BAZ2B: variants seen among roughly 807,000 people sequenced by gnomAD.
BAZ2B encodes the protein bromodomain adjacent to zinc finger domain protein 2B.
A neutral mutation model predicts 246.0 loss-of-function variants in BAZ2B; 91 were observed. The ratio of observed to expected loss-of-function variants is 0.37; its 90% CI spans 0.31 to 0.44. The LOEUF (loss-of-function observed/expected upper bound fraction) is 0.44, where lower values mean the gene tolerates loss of function less well. BAZ2B is among the 20% of genes least tolerant of loss of function. BAZ2B has a pLI of 1.00. For missense variants in BAZ2B, 2,332 were observed against 2,533.7 expected (o/e 0.92, Z 1.71); for synonymous variants, 855 against 860.0 (o/e 0.99, Z 0.10).
At chr2:159,559,879 T>G (rs1268038772) in intron 1 of BAZ2B, among the ~76,000 whole-genome samples, 1 of 152,196 alleles carries the variant, frequency 6.6e-6, no homozygotes, top group Admixed American at 6.5e-5. Context: ...AATGTATTGG[T>G]TATATGCTAT....
At chr2:159,551,208 G>A (rs910432271) in intron 2 of BAZ2B, among the ~76,000 whole-genome samples, 3 of 152,114 alleles carry the variant, frequency 2.0e-5, no homozygotes, top group South Asian at 2.1e-4. Context: ...GGTGGCTCAC[G>A]CCTATAATCC....
chr2:159,662,512 TTTTG>T, the BAZ2B span, among the ~76,000 whole-genome samples: 18 of 152,206 alleles, frequency 1.2e-4, no homozygotes, highest in South Asian at 2.3e-3. Flanking sequence ...TGTTTTTTAC[TTTTG>T]TTTGTTTGTT....
intron 3 of BAZ2B, chr2:159,459,728 G>T (rs1342781646): frequency 6.6e-6 from 1 of 152,004 alleles, no homozygotes; most frequent in South Asian, 2.1e-4. Flanking sequence ...AAGTCAAATA[G>T]GCTCTATTAA....
Position 159,347,477 on chromosome 2 carries a change from C to G in BAZ2B, c.5454+9G>C. On this transcript the variant is annotated intron_variant, in intron 31 of 36. Transcript: ENST00000392783. ...CCTAAAAACATATTTTATTCCAAGTCGATTTTACCTTCACTTGCAAACTTG... is the reference window on the plus strand; with the variant it reads ...CCTAAAAACATATTTTATTCCAAGTGGATTTTACCTTCACTTGCAAACTTG... 1 of 1,611,504 alleles carries G rather than the reference C, an allele frequency of 6.2e-7. No homozygotes were observed. Among genetic ancestry groups the G allele is most frequent in the Non-Finnish European group, 8.5e-7 (1 of 1,178,046 alleles).
chr2:159,429,120 G>T, intron 11 of BAZ2B, 80 bp downstream of exon 11: 2 of 938,916 alleles, frequency 2.1e-6, no homozygotes, highest in Non-Finnish European at 3.1e-6. Context: ...ATTAATTGTA[G>T]AGAATGAGAA....
intron 3 of BAZ2B, among the ~76,000 whole-genome samples, chr2:159,477,321 T>A (rs1025873487): frequency 4.0e-5 from 6 of 151,346 alleles, no homozygotes; most frequent in Admixed American, 1.3e-4. Flanking sequence ...ATAAAAAAAT[T>A]AAAAAATATA....
chr2:159,519,210 C>CTTTTTTTTTTTTTTTTTTTTTTTTTT (rs564614568), intron 2 of BAZ2B, among the ~76,000 whole-genome samples: 1 of 57,770 alleles, frequency 1.7e-5, no homozygotes, highest in Non-Finnish European at 3.4e-5. Context: ...ATTCTATTTT[C>CTTTTTTTTTTTTTTTTTTTTTTTTTT]TTTTTTTTTT....
chr2:159,709,990 G>T, the BAZ2B span, among the ~76,000 whole-genome samples: 1 of 151,852 alleles, frequency 6.6e-6, no homozygotes, highest in Non-Finnish European at 1.5e-5. Flanking sequence ...ATACAGAAAG[G>T]TATGTCAGAG....
At chr2:159,632,165 G>A in the BAZ2B span, among the ~76,000 whole-genome samples, 1 of 152,140 alleles carries the variant, frequency 6.6e-6, no homozygotes, top group Non-Finnish European at 1.5e-5. Flanking sequence ...GGTACATAGA[G>A]ATCATTTGTA....
chr2:159,651,235 TAAAAACAAGTAATG>T, the BAZ2B span, among the ~76,000 whole-genome samples: 6 of 152,174 alleles, frequency 3.9e-5, no homozygotes, highest in African/African-American at 1.4e-4. Context: ...ATGGCCATCT[TAAAAACAAGTAATG>T]AGATGGCTAT....
In BAZ2B at chr2:159,328,069, CGA is replaced by C. The variant is rs1491423479; in HGVS notation, c.5944-2153_5944-2152del. Among the ~76,000 whole-genome samples the C allele has an allele frequency of 9.0e-5, 10 of 111,536 alleles. 1 individual carries two copies. Among genetic ancestry groups the C allele is most frequent in the South Asian group, 5.5e-4 (2 of 3,644 alleles). The allele number at this position is 111,536 out of a possible 152,430, so 73.2% of individuals were successfully genotyped here. A position where few individuals can be genotyped will look rare whatever the true frequency, so the allele number is the denominator to read the frequency against. ...GATGGAATGAGACTCAGCCTCAAAA[CGA>C]AAAAAAAAAAAAAAAAAAAAGAAAG... is the stretch of plus-strand genomic sequence containing the variant. On this transcript the variant is annotated intron_variant, in intron 34 of 36. Coordinates refer to ENST00000392783, the MANE Select transcript of BAZ2B (RefSeq NM_013450.4).
the BAZ2B span, among the ~76,000 whole-genome samples, chr2:159,706,779 G>C: frequency 6.6e-6 from 1 of 152,234 alleles, no homozygotes; most frequent in African/African-American, 2.4e-5. Context: ...GGCAAGGCCA[G>C]AGTACCCAGT....
the BAZ2B span, among the ~76,000 whole-genome samples, chr2:159,688,951 T>C: frequency 6.6e-6 from 1 of 152,244 alleles, no homozygotes; most frequent in African/African-American, 2.4e-5. Context: ...GTAAAGGTGG[T>C]ATATGTCATG....
At chr2:159,639,462 T>G in the BAZ2B span, among the ~76,000 whole-genome samples, 1 of 152,038 alleles carries the variant, frequency 6.6e-6, no homozygotes, top group Non-Finnish European at 1.5e-5. Context: ...CAATCAAAAA[T>G]AATAACTACA....
At chr2:159,571,914 G>A (rs1275598273) in intron 1 of BAZ2B, among the ~76,000 whole-genome samples, 4 of 152,158 alleles carry the variant, frequency 2.6e-5, no homozygotes, top group African/African-American at 9.7e-5. Flanking sequence ...TAAGGGTGGA[G>A]CCCTTGTGGC....
the BAZ2B span, among the ~76,000 whole-genome samples, chr2:159,676,763 T>C: frequency 2.0e-5 from 3 of 151,070 alleles, no homozygotes; most frequent in Admixed American, 6.6e-5. Flanking sequence ...CTGGGTGCAA[T>C]AGGGAGTTAT....
intron 2 of BAZ2B, among the ~76,000 whole-genome samples, chr2:159,510,223 C>A (rs1488628275): frequency 6.6e-6 from 1 of 152,054 alleles, no homozygotes; most frequent in Non-Finnish European, 1.5e-5. Flanking sequence ...CACTCTGTCA[C>A]CCAGGCTGGA....
chr2:159,367,968 C>T (rs2060399550), intron 27 of BAZ2B, among the ~76,000 whole-genome samples: 1 of 152,150 alleles, frequency 6.6e-6, no homozygotes. Context: ...CATTTATTTA[C>T]AGTAGTTTCT....
chr2:159,432,828 T>C lies in BAZ2B; in HGVS notation c.1829A>G (p.Asp610Gly), dbSNP rs746824652. Residue 610 changes from aspartate to glycine, a missense_variant, in exon 9 of 37, where the codon GAT (aspartate) becomes GGT (glycine). Physicochemically the swap from Asp to Gly is moderately conservative, Grantham distance 94 (BLOSUM62 -1). Transcript: ENST00000392783. ...TTCTTCTTCATCATCTTCCTCTTCA[T>C]CCTCATTTGAATCTTCAGAATCTTT... ...SSKDSEDSNE[D>G]EEEDDEEEDE... 3.1e-6 allele frequency: 5 copies of C among 1,614,140 alleles called. No individual in the cohort carries two copies. Among genetic ancestry groups the C allele is most frequent in the Non-Finnish European group, 2.5e-6 (3 of 1,179,990 alleles).
Sources: allele counts gnomAD v4.1 joint callset (sites outside exome capture counted in the v4.1 genomes callset), GRCh38; gene constraint gnomAD v4.1.1; transcripts MANE v1.5; gene names NCBI Gene and HGNC (gene_info 2026-07-23, HGNC 2026-07-21).